The following MDGA2 variants were observed in gnomAD, a reference collection of about 807,000 sequenced individuals.
The protein encoded by MDGA2 is MAM domain containing glycosylphosphatidylinositol anchor 2.
Under a neutral mutation model 117.8 loss-of-function variants are expected in MDGA2, and 40 were observed. The ratio of observed to expected loss-of-function variants is 0.34; its 90% CI spans 0.26 to 0.44. MDGA2 has a LOEUF of 0.44. MDGA2 is among the 20% of genes least tolerant of loss of function. The probability of loss-of-function intolerance (pLI) is 1.00; values close to 1 mark genes in which losing one functional copy is unlikely to be tolerated. For synonymous variants in MDGA2, 452 were observed against 439.0 expected, an observed-to-expected ratio of 1.03 and a Z score of -0.37; for missense variants, 1,123 against 1,250.6, an observed-to-expected ratio of 0.90 and a Z score of 1.54.
At chr14:46,902,925 A>G (rs748992207) in intron 10 of MDGA2, among the ~76,000 whole-genome samples, 1 of 152,196 alleles carries the variant, frequency 6.6e-6, no homozygotes. Context: ...TTCATAACCT[A>G]ATGATAGATG....
At chr14:47,479,758 A>C (rs1352401789) in intron 1 of MDGA2, among the ~76,000 whole-genome samples, 4 of 152,034 alleles carry the variant, frequency 2.6e-5, no homozygotes, top group South Asian at 2.1e-4. Flanking sequence ...GAAAAAAAAA[A>C]CAAGCTTTTC....
At chr14:47,254,183 C>T (rs539505182) in intron 2 of MDGA2, among the ~76,000 whole-genome samples, 1 of 152,312 alleles carries the variant, frequency 6.6e-6, no homozygotes, top group South Asian at 2.1e-4. Context: ...GACATTTCCC[C>T]CACTGTCTTG....
At chr14:47,074,219 TTTTA>T (rs1890404481) in intron 6 of MDGA2, among the ~76,000 whole-genome samples, 1 of 152,192 alleles carries the variant, frequency 6.6e-6, no homozygotes, top group African/African-American at 2.4e-5. Context: ...TTTACTCTCT[TTTTA>T]TTTCTCACTC....
At chr14:47,173,381 A>G (rs1270271782) in intron 3 of MDGA2, among the ~76,000 whole-genome samples, 4 of 152,124 alleles carry the variant, frequency 2.6e-5, no homozygotes, top group African/African-American at 7.2e-5. Context: ...AGGAAAAAAT[A>G]TTAAGGGCAG....
intron 2 of MDGA2, among the ~76,000 whole-genome samples, chr14:47,298,220 C>G (rs1486684149): frequency 6.6e-6 from 1 of 152,152 alleles, no homozygotes; most frequent in African/African-American, 2.4e-5. Context: ...TCCAGACAAT[C>G]TGATTCCAGC....
At chr14:47,482,560 A>C (rs1893976170) in intron 1 of MDGA2, among the ~76,000 whole-genome samples, 1 of 152,240 alleles carries the variant, frequency 6.6e-6, no homozygotes, top group Non-Finnish European at 1.5e-5. Context: ...ATCTAATTTT[A>C]AAATCTAATG....
chr14:47,078,299 C>G (rs1365822295), intron 6 of MDGA2, among the ~76,000 whole-genome samples: 1 of 152,028 alleles, frequency 6.6e-6, no homozygotes, highest in Non-Finnish European at 1.5e-5. Flanking sequence ...ATGCTCTCCT[C>G]CATATATATC....
intron 3 of MDGA2, among the ~76,000 whole-genome samples, chr14:47,170,651 G>T (rs979914011): frequency 1.3e-5 from 2 of 152,090 alleles, no homozygotes; most frequent in Admixed American, 6.6e-5. Context: ...TATTTAATTA[G>T]AACTTTAATG....
At position 47,248,578 on chromosome 14, in the gene MDGA2, T is replaced by C. The variant is rs1487515967; in HGVS notation, c.421-30383A>G. Among the ~76,000 whole-genome samples, 2 of 146,508 alleles carry C rather than the reference T, an allele frequency of 1.4e-5. 1 individual carries two copies. The highest frequency in any genetic ancestry group is 3.1e-5 in the Non-Finnish European group (2 of 63,790). ...TTGAACTTATACGGTTTTATAGTAA[T>C]AAAATAAGTCAAAATTGGCAGATGG... is the stretch of plus-strand genomic sequence containing the variant. On this transcript the variant is annotated intron_variant, in intron 2 of 16. Coordinates refer to ENST00000399232, the MANE Select transcript of MDGA2 (RefSeq NM_001113498.3).
At chr14:47,661,119 CCTAA>C (rs1275833957) in intron 1 of MDGA2, among the ~76,000 whole-genome samples, 1 of 151,960 alleles carries the variant, frequency 6.6e-6, no homozygotes, top group African/African-American at 2.4e-5. Flanking sequence ...ATGTAAGCTA[CCTAA>C]CTTTTATGAT....
chr14:47,264,772 G>A (rs1013576837), intron 2 of MDGA2, among the ~76,000 whole-genome samples: 3 of 151,834 alleles, frequency 2.0e-5, no homozygotes, highest in African/African-American at 7.3e-5. Context: ...CACGTGCCAT[G>A]GTAGTATACA....
At chr14:47,375,966 A>G (rs1891469430) in intron 1 of MDGA2, among the ~76,000 whole-genome samples, 1 of 152,168 alleles carries the variant, frequency 6.6e-6, no homozygotes, top group Admixed American at 6.6e-5. Context: ...CCACCCAATC[A>G]GCCAATGATA....
intron 1 of MDGA2, among the ~76,000 whole-genome samples, chr14:47,437,015 C>A (rs1291868329): frequency 6.6e-6 from 1 of 152,146 alleles, no homozygotes; most frequent in Non-Finnish European, 1.5e-5. Context: ...CTCTCTCTAA[C>A]ACCATACAAA....
At chr14:46,850,250 A>G (rs906549442) in intron 15 of MDGA2, among the ~76,000 whole-genome samples, 9 of 152,004 alleles carry the variant, frequency 5.9e-5, no homozygotes, top group Admixed American at 2.6e-4. Flanking sequence ...GCTTTAAAAC[A>G]TATAAATATA....
chr14:47,488,482 C>T (rs780264500), intron 1 of MDGA2, among the ~76,000 whole-genome samples: 99 of 152,068 alleles, frequency 6.5e-4, no homozygotes, highest in Admixed American at 9.2e-4. Flanking sequence ...AAATGAATGC[C>T]ACTTCTTTTA....
At position 47,236,290 on chromosome 14, in the gene MDGA2, C is replaced by CAAA. The variant is rs5808383; in HGVS notation, c.421-18098_421-18096dup. The stretch of plus-strand genomic sequence containing the variant: ...TGGGTGACAGAGCGAGACTCCGCCT[C>CAAA]AAAAAAAAAAAAAAAAAAAAAAACA... On this transcript the variant is annotated intron_variant, in intron 2 of 16. Transcript: ENST00000399232. Among the ~76,000 whole-genome samples, 527 of 66,804 alleles carry CAAA rather than the reference C, an allele frequency of 7.9e-3. 5 individuals carry two copies. Among genetic ancestry groups the CAAA allele is most frequent in the African/African-American group, 0.016 (268 of 16,528 alleles). The allele number at this position is 66,804 out of a possible 152,430, so 43.8% of individuals were successfully genotyped here.
At chr14:47,636,456 G>A (rs537558185) in intron 1 of MDGA2, among the ~76,000 whole-genome samples, 3 of 152,050 alleles carry the variant, frequency 2.0e-5, no homozygotes, top group Non-Finnish European at 4.4e-5. Flanking sequence ...TACATCAACT[G>A]AAGATATCTA....
chr14:47,155,772 T>C (rs566546709), intron 3 of MDGA2, among the ~76,000 whole-genome samples: 1 of 152,082 alleles, frequency 6.6e-6, no homozygotes, highest in South Asian at 2.1e-4. Flanking sequence ...GAGCAAAACT[T>C]GGGCAAAGGT....
intron 1 of MDGA2, among the ~76,000 whole-genome samples, chr14:47,502,734 G>A (rs1894424905): frequency 6.6e-6 from 1 of 151,990 alleles, no homozygotes; most frequent in Non-Finnish European, 1.5e-5. Flanking sequence ...AAGTGCAGTG[G>A]CGTGATCATA....
Sources: gnomAD v4.1 joint callset for allele counts (sites outside exome capture counted in the v4.1 genomes callset) on GRCh38, gnomAD v4.1.1 for gene constraint, MANE v1.5 for transcripts, NCBI Gene and HGNC (gene_info 2026-07-23, HGNC 2026-07-21) for gene names.